MLST8: variants seen among roughly 807,000 people sequenced by gnomAD.
MLST8 encodes target of rapamycin complex subunit LST8.
Under a neutral mutation model 41.3 loss-of-function variants are expected in MLST8, and 20 were observed. The observed-to-expected ratio is 0.48, with a 90% confidence interval of 0.34 to 0.70. The LOEUF (loss-of-function observed/expected upper bound fraction) is 0.70. Ranked by LOEUF, MLST8 falls within the 30% of genes least tolerant of loss-of-function variation. MLST8 has a pLI of 0.01. For synonymous variants in MLST8, 243 were observed against 183.0 expected (o/e 1.33, Z -2.65); for missense variants, 422 against 454.3 (o/e 0.93, Z 0.65).
chr16:2,208,153 C>T (rs1036124909), intron 6 of MLST8, 57 bp from the exon 7 acceptor site: 16 of 1,539,830 alleles, frequency 1.0e-5, no homozygotes, highest in East Asian at 6.9e-5. Context: ...GGGCATCCTT[C>T]CCTGTGTCTC....
At position 2,208,607 on chromosome 16, in the gene MLST8, G is replaced by A. The variant is rs374883203; in HGVS notation, c.856G>A (p.Val286Ile). 3.3e-5 allele frequency: 54 copies of A among 1,612,244 alleles called. No individual in the cohort carries two copies. Among genetic ancestry groups the A allele is most frequent in the Non-Finnish European group, 4.4e-5 (52 of 1,179,616 alleles). The change falls in exon 8 of 9, where the codon GTC (valine) becomes ATC (isoleucine). Residue 286 changes from valine (V) to isoleucine (I), a missense_variant. Coordinates refer to ENST00000569417, the MANE Select transcript of MLST8 (RefSeq NM_022372.6). ...CAFSGDSQYI[V>I]TASSDNLARL... ...CTTCTCGGGGGACTCCCAGTACATCGTCACTGGTGAGCCCCGCCCTGGCCT... is the reference window on the plus strand; with the variant it reads ...CTTCTCGGGGGACTCCCAGTACATCATCACTGGTGAGCCCCGCCCTGGCCT...
Position 2,209,151 on chromosome 16 carries a change from C to G in MLST8, c.*274C>G. On this transcript the variant is annotated 3_prime_UTR_variant, in exon 9 of 9. Coordinates refer to ENST00000569417, the MANE Select transcript of MLST8 (RefSeq NM_022372.6). ...AAAGTCGGCCGAGGGCCCAAAGCTG[C>G]TGAGGGGTCTGAGGCTGGTGCCCAC... is the stretch of plus-strand genomic sequence containing the variant. 1 of 641,486 alleles carries G rather than the reference C, an allele frequency of 1.6e-6. No individual in the cohort carries two copies. Among genetic ancestry groups the G allele is most frequent in the Non-Finnish European group, 2.7e-6 (1 of 373,536 alleles). The allele number at this position is 641,486 out of a possible 1,614,324, so 39.7% of individuals were successfully genotyped here. A position where few individuals can be genotyped will look rare whatever the true frequency, so the allele number is the denominator to read the frequency against.
At chr16:2,206,922 C>A in intron 4 of MLST8, 113 bp from the exon 5 acceptor site, 1 of 1,383,524 alleles carries the variant, frequency 7.2e-7, no homozygotes, top group Non-Finnish European at 1.0e-6. Flanking sequence ...CCAAGTATTT[C>A]CCAAGAGGCA....
In MLST8 at chr16:2,209,315, C is replaced by T. The variant is rs1273260649; in HGVS notation, c.*438C>T. The T allele has an allele frequency of 3.2e-6, 5 of 1,563,284 alleles. No individual in the cohort carries two copies. Among genetic ancestry groups the T allele is most frequent in the Non-Finnish European group, 4.4e-6 (5 of 1,141,278 alleles). On this transcript the variant is annotated 3_prime_UTR_variant, in exon 9 of 9. Coordinates refer to ENST00000569417, the MANE Select transcript of MLST8 (RefSeq NM_022372.6). ...GTCCTCCCTGGTGCAGGTGGCCTGG[C>T]CAGCCCACTGGATTGGGGACGGGCC...
chr16:2,205,532 G>A lies in MLST8; in HGVS notation c.-56+20G>A, dbSNP rs28384419. On this transcript the variant is annotated intron_variant, in intron 1 of 8. Coordinates refer to ENST00000569417, the MANE Select transcript of MLST8 (RefSeq NM_022372.6). Reference sequence around the variant, plus strand: ...CGTAAGGTACGGAGGCCGCGAGCCAGGGGCCGGGAACCGGCTGCTGGGTGG... The same window carrying A: ...CGTAAGGTACGGAGGCCGCGAGCCAAGGGCCGGGAACCGGCTGCTGGGTGG... 1.5e-3 allele frequency: 464 copies of A among 307,102 alleles called. 16 individuals carry two copies. In the East Asian group the frequency reaches 0.066, roughly 44 times the overall value. 19.0% of individuals were successfully genotyped at this position (307,102 alleles called of 1,614,324 possible).
chr16:2,208,702 G>A, intron 8 of MLST8, 57 bp from the exon 9 acceptor site: 1 of 1,613,200 alleles, frequency 6.2e-7, no homozygotes, highest in South Asian at 1.1e-5. Flanking sequence ...CCCTCTGCTG[G>A]GGCCGCCTGC....
Position 2,208,446 on chromosome 16 carries a change from C to T in MLST8, c.699-4C>T, listed in dbSNP as rs757147687. The T allele has an allele frequency of 2.5e-6, 4 of 1,612,500 alleles. No individual in the cohort carries two copies. Among genetic ancestry groups the T allele is most frequent in the Non-Finnish European group, 3.4e-6 (4 of 1,179,684 alleles). On this transcript the variant is annotated splice_polypyrimidine_tract_variant and splice_region_variant and intron_variant, in intron 7 of 8. Transcript: ENST00000569417. ...GCTGGACACGCCCCATGCCCACCCA[C>T]TAGGCTCCTCGCCACCTGCTCGGCT... is the stretch of plus-strand genomic sequence containing the variant.
chr16:2,206,049 C>A lies in MLST8; in HGVS notation c.-37C>A. 1 of 1,546,692 alleles carries A rather than the reference C, an allele frequency of 6.5e-7. No individual in the cohort carries two copies. Among genetic ancestry groups the A allele is most frequent in the South Asian group, 1.2e-5 (1 of 83,832 alleles). ...TCTGCAGATGCTCTGACCTTTGACC[C>A]CTGCCGTTCAGCTCTAGGGCCCGTG... On this transcript the variant is annotated 5_prime_UTR_variant, in exon 2 of 9. Transcript: ENST00000569417.
intron 6 of MLST8, 198 bp from the exon 7 acceptor site, chr16:2,208,012 C>T (rs374617352): frequency 1.9e-6 from 1 of 536,000 alleles, no homozygotes; most frequent in Non-Finnish European, 3.2e-6. Context: ...GCCTCCTGTT[C>T]TTGGCTTGCC....
At chr16:2,208,707 G>T (rs777944864) in intron 8 of MLST8, 52 bp from the exon 9 acceptor site, 1 of 1,613,234 alleles carries the variant, frequency 6.2e-7, no homozygotes, top group Non-Finnish European at 8.5e-7. Context: ...TGCTGGGGCC[G>T]CCTGCTTGGC....
At chr16:2,206,804 T>A in intron 4 of MLST8, 145 bp downstream of exon 4, 1 of 1,068,762 alleles carries the variant, frequency 9.4e-7, no homozygotes, top group Non-Finnish European at 1.4e-6. Context: ...AGGAGGAGAG[T>A]GAATTGCATC....
intron 3 of MLST8, 21 bp downstream of exon 3, chr16:2,206,430 C>G (rs2093290963): frequency 6.2e-7 from 1 of 1,614,138 alleles, no homozygotes; most frequent in African/African-American, 1.3e-5. Context: ...TCCTTGATCT[C>G]TAAACTCCTG....
intron 4 of MLST8, 93 bp from the exon 5 acceptor site, chr16:2,206,942 G>A (rs939897503): frequency 4.7e-6 from 7 of 1,490,406 alleles, no homozygotes; most frequent in East Asian, 2.3e-5. Flanking sequence ...AGGTCCTTCA[G>A]CAGAGGGAGG....
rs969754261 is a variant in MLST8, at chr16:2,207,507, G to C, written c.573+162G>C. 1.8e-5 allele frequency: 15 copies of C among 811,656 alleles called. No homozygotes were observed. The East Asian group carries it at 3.5e-4, about 19-fold the overall frequency. The allele number at this position is 811,656 out of a possible 1,614,324, so 50.3% of individuals were successfully genotyped here. On this transcript the variant is annotated intron_variant, in intron 6 of 8. Transcript: ENST00000569417. ...CAGCAAAGCCAGAAGCCTTAGTGTC[G>C]CTCCCGATGGCTTAGTCCTGTCTGC...
chr16:2,207,465 A>T, intron 6 of MLST8, 120 bp downstream of exon 6: 1 of 1,259,692 alleles, frequency 7.9e-7, no homozygotes, highest in Non-Finnish European at 1.1e-6. Flanking sequence ...CATCCCGGGC[A>T]CTAACACCCA....
rs143121564 is a variant in MLST8, at chr16:2,206,281, G to A, written c.129+67G>A. 4.4e-6 allele frequency: 7 copies of A among 1,605,784 alleles called. No individual in the cohort carries two copies. In the African/African-American group the frequency reaches 6.7e-5, roughly 15 times the overall value. The stretch of plus-strand genomic sequence containing the variant: ...GCCTCGTGTGGGGACCACAGCCTGT[G>A]TGAAGGCCAGATGGTGGAGGCCTGG... On this transcript the variant is annotated intron_variant, in intron 2 of 8. Coordinates refer to ENST00000569417, the MANE Select transcript of MLST8 (RefSeq NM_022372.6).
intron 6 of MLST8, 75 bp downstream of exon 6, chr16:2,207,420 C>G: frequency 6.5e-7 from 1 of 1,545,244 alleles, no homozygotes. Flanking sequence ...GGGCTTATTC[C>G]TGGATGTCCC....
intron 6 of MLST8, chr16:2,207,552 C>T: frequency 5.0e-6 from 3 of 602,348 alleles, no homozygotes. Flanking sequence ...ACTCCGCTTT[C>T]TGGAGTCTCT....
At chr16:2,206,966 G>A (rs1421275581) in intron 4 of MLST8, 69 bp from the exon 5 acceptor site, 10 of 1,584,488 alleles carry the variant, frequency 6.3e-6, no homozygotes, top group South Asian at 5.6e-5. Flanking sequence ...GGAATGGCCA[G>A]GCCGAGGCCA....
Sources: gnomAD v4.1 joint callset for allele counts on GRCh38, gnomAD v4.1.1 for gene constraint, MANE v1.5 for transcripts, NCBI Gene and HGNC (gene_info 2026-07-23, HGNC 2026-07-21) for gene names.